Variants in SLC35F4 observed in about 807,000 individuals in gnomAD.
SLC35F4 encodes the protein chromosome 14 open reading frame 36.
A neutral mutation model predicts 44.2 loss-of-function variants in SLC35F4; 24 were observed. The ratio of observed to expected loss-of-function variants is 0.54; its 90% confidence interval spans 0.39 to 0.76. The LOEUF (loss-of-function observed/expected upper bound fraction) is 0.76. Among genes scored for constraint, SLC35F4 ranks in the 30% least tolerant of loss-of-function variants. The pLI is 0.00. For synonymous variants in SLC35F4, 238 were observed against 223.6 expected, an observed-to-expected ratio of 1.06 and a Z score of -0.57; for missense variants, 562 against 586.1, an observed-to-expected ratio of 0.96 and a Z score of 0.42.
At chr14:57,669,273 C>T (rs1486670718) in intron 1 of SLC35F4, among the ~76,000 whole-genome samples, 1 of 151,834 alleles carries the variant, frequency 6.6e-6, no homozygotes, top group African/African-American at 2.4e-5. Flanking sequence ...ATGTCAACTG[C>T]AAACAGGGAC....
chr14:57,746,540 A>T (rs1471233312), intron 1 of SLC35F4, among the ~76,000 whole-genome samples: 1 of 152,170 alleles, frequency 6.6e-6, no homozygotes, highest in Non-Finnish European at 1.5e-5. Flanking sequence ...ACATTGCTGT[A>T]TTCAATTTGG....
intron 1 of SLC35F4, among the ~76,000 whole-genome samples, chr14:57,740,908 G>A (rs1448245155): frequency 6.6e-6 from 1 of 152,138 alleles, no homozygotes; most frequent in African/African-American, 2.4e-5. Context: ...CACACGGCCG[G>A]GTGCCCCTCT....
chr14:57,882,767 T>A (rs1284409526), intron 1 of SLC35F4, among the ~76,000 whole-genome samples: 1 of 152,146 alleles, frequency 6.6e-6, no homozygotes, highest in Non-Finnish European at 1.5e-5. Context: ...AAAACATGAT[T>A]TTAAGAATGT....
chr14:57,956,393 G>T (rs1023265894), intron 1 of SLC35F4, among the ~76,000 whole-genome samples: 3 of 152,208 alleles, frequency 2.0e-5, no homozygotes, highest in South Asian at 2.1e-4. Context: ...AAGACTTCAT[G>T]TCTAAAATAC....
At chr14:57,697,002 G>A (rs1234461435) in intron 1 of SLC35F4, among the ~76,000 whole-genome samples, 1 of 152,104 alleles carries the variant, frequency 6.6e-6, no homozygotes, top group Non-Finnish European at 1.5e-5. Flanking sequence ...CGGGTTGATA[G>A]GTGCAGCAAA....
At chr14:57,882,758 A>C (rs1888563143) in intron 1 of SLC35F4, among the ~76,000 whole-genome samples, 1 of 152,166 alleles carries the variant, frequency 6.6e-6, no homozygotes, top group African/African-American at 2.4e-5. Flanking sequence ...AGTTGCAATA[A>C]AACATGATTT....
intron 1 of SLC35F4, among the ~76,000 whole-genome samples, chr14:57,794,573 C>A (rs2078009480): frequency 6.6e-6 from 1 of 151,928 alleles, no homozygotes. Flanking sequence ...TGGTGAAAAG[C>A]AAACTTGTTC....
intron 1 of SLC35F4, among the ~76,000 whole-genome samples, chr14:57,633,902 T>C (rs1594651712): frequency 2.0e-5 from 3 of 152,218 alleles, no homozygotes; most frequent in South Asian, 4.1e-4. Context: ...GAATCTACCA[T>C]GGACAGAATG....
At chr14:57,894,784 G>T (rs772875892) in intron 1 of SLC35F4, among the ~76,000 whole-genome samples, 55 of 152,136 alleles carry the variant, frequency 3.6e-4, no homozygotes, top group Non-Finnish European at 5.7e-4. Context: ...GTTGCACTTG[G>T]TAAACTTAAT....
intron 1 of SLC35F4, among the ~76,000 whole-genome samples, chr14:57,906,582 A>T (rs1335641490): frequency 6.6e-6 from 1 of 152,178 alleles, no homozygotes; most frequent in Non-Finnish European, 1.5e-5. Flanking sequence ...TCTACGGAAA[A>T]ATTCCAAAAA....
chr14:57,620,181 A>C (rs1047001499), intron 1 of SLC35F4, among the ~76,000 whole-genome samples: 1 of 152,196 alleles, frequency 6.6e-6, no homozygotes, highest in Non-Finnish European at 1.5e-5. Flanking sequence ...CAATTCAGGA[A>C]ATACAGAGAA....
intron 3 of SLC35F4, among the ~76,000 whole-genome samples, chr14:57,587,377 T>C (rs1428401084): frequency 2.0e-5 from 3 of 152,144 alleles, no homozygotes; most frequent in African/African-American, 7.2e-5. Context: ...CGAACCCAAA[T>C]GCCCATCAAT....
chr14:57,690,273 A>G (rs2075192460), intron 1 of SLC35F4, among the ~76,000 whole-genome samples: 1 of 152,212 alleles, frequency 6.6e-6, no homozygotes, highest in Non-Finnish European at 1.5e-5. Flanking sequence ...ACAGTAGCAA[A>G]TAAGAAAGGT....
At chr14:57,971,878 G>A (rs990977439), downstream of SLC35F4, among the ~76,000 whole-genome samples, 4 of 152,180 alleles carry the variant, frequency 2.6e-5, no homozygotes, top group African/African-American at 9.7e-5. Context: ...AGATAAACAA[G>A]TTAAGGAAAT....
intron 2 of SLC35F4, 34 bp downstream of exon 2, chr14:57,593,905 T>A (rs767831276): frequency 1.8e-5 from 29 of 1,606,474 alleles, no homozygotes; most frequent in Admixed American, 3.4e-5. Flanking sequence ...CTTACTAGGA[T>A]GTACCGTTAT....
intron 1 of SLC35F4, among the ~76,000 whole-genome samples, chr14:57,749,470 T>C (rs1289169906): frequency 6.6e-6 from 1 of 151,942 alleles, no homozygotes. Context: ...CATGACTCAA[T>C]ACATACTGAT....
At chr14:57,696,692 T>A (rs2075392795) in intron 1 of SLC35F4, among the ~76,000 whole-genome samples, 1 of 152,138 alleles carries the variant, frequency 6.6e-6, no homozygotes, top group South Asian at 2.1e-4. Flanking sequence ...ATAGACTGGA[T>A]AAAGAAAATG....
intron 1 of SLC35F4, among the ~76,000 whole-genome samples, chr14:57,675,629 A>T (rs1345567727): frequency 6.6e-6 from 1 of 152,052 alleles, no homozygotes; most frequent in Non-Finnish European, 1.5e-5. Context: ...TTCTCCATTC[A>T]GTATGATGTT....
At chr14:57,672,337 C>T (rs1216882416) in intron 1 of SLC35F4, among the ~76,000 whole-genome samples, 1 of 152,044 alleles carries the variant, frequency 6.6e-6, no homozygotes, top group African/African-American at 2.4e-5. Flanking sequence ...CATTGACACC[C>T]AGATTTAAAA....
Sources: gnomAD v4.1 joint callset for allele counts (sites outside exome capture counted in the v4.1 genomes callset) on GRCh38, gnomAD v4.1.1 for gene constraint, MANE v1.5 for transcripts, NCBI Gene and HGNC (gene_info 2026-07-23, HGNC 2026-07-21) for gene names.